The following TENM4 variants were observed in gnomAD, a reference collection of about 807,000 sequenced individuals.
TENM4 encodes the protein teneurin-4.
Under a neutral mutation model 243.3 loss-of-function variants are expected in TENM4, and 82 were observed. The observed-to-expected ratio is 0.34, with a 90% CI of 0.28 to 0.40. The LOEUF is 0.40. TENM4 is among the 10% of genes least tolerant of loss of function. The pLI, the probability that TENM4 is intolerant of heterozygous loss-of-function variation, is 1.00. For missense variants in TENM4, 3,138 were observed against 3,673.3 expected (o/e 0.85, Z 3.77); for synonymous variants, 1,412 against 1,456.3 (o/e 0.97, Z 0.69).
chr11:78,756,497 T>G (rs1432329838), intron 19 of TENM4: 1 of 363,418 alleles, frequency 2.8e-6, no homozygotes. Context: ...ACAGGATCAG[T>G]AAGAGCTGAC....
chr11:79,298,982 C>T (rs1437164535), intron 1 of TENM4, among the ~76,000 whole-genome samples: 3 of 152,038 alleles, frequency 2.0e-5, no homozygotes, highest in East Asian at 3.9e-4. Flanking sequence ...TCTGTAACAA[C>T]GTTGCTAACA....
chr11:79,122,794 C>T (rs997274612), intron 4 of TENM4, among the ~76,000 whole-genome samples: 2 of 152,202 alleles, frequency 1.3e-5, no homozygotes, highest in Non-Finnish European at 2.9e-5. Flanking sequence ...CCACCACACC[C>T]TGTGAAAAGC....
chr11:79,337,591 C>T (rs758753012), intron 1 of TENM4, among the ~76,000 whole-genome samples: 3 of 152,122 alleles, frequency 2.0e-5, no homozygotes, highest in African/African-American at 4.8e-5. Flanking sequence ...GTAGGCAGGA[C>T]GGACCTTCGC....
Position 78,658,372 on chromosome 11 carries a change from T to G in TENM4, c.7996A>C (p.Ile2666Leu), listed in dbSNP as rs879153818. ...LNGRTRRYTD[I>L]QLQYGALCLN... ...CACAGTGCCCCGTACTGGAGCTGGATGTCTGTGTAGCGTCTAGTCCTGCCA... is the reference window on the plus strand; with the variant it reads ...CACAGTGCCCCGTACTGGAGCTGGAGGTCTGTGTAGCGTCTAGTCCTGCCA... Residue 2666 changes from isoleucine (I) to leucine (L), a missense_variant, in exon 34 of 34, where the codon ATC becomes CTC. Ile to Leu is a conservative substitution (Grantham distance 5). Coordinates refer to ENST00000278550, the MANE Select transcript of TENM4 (RefSeq NM_001098816.3). The G allele has an allele frequency of 6.2e-7, 1 of 1,613,922 alleles. No individual in the cohort carries two copies. The highest frequency in any genetic ancestry group is 1.3e-5 in the African/African-American group (1 of 74,934).
chr11:79,249,519 T>A (rs1855573860), intron 2 of TENM4, among the ~76,000 whole-genome samples: 1 of 152,188 alleles, frequency 6.6e-6, no homozygotes, highest in African/African-American at 2.4e-5. Flanking sequence ...TATTTCAAAT[T>A]CATTTACCCA....
chr11:78,733,891 A>G (rs1855728290), intron 20 of TENM4, among the ~76,000 whole-genome samples: 1 of 152,196 alleles, frequency 6.6e-6, no homozygotes. Flanking sequence ...CTATCATGCA[A>G]TAAGACATAA....
chr11:79,399,518 A>G (rs1858413302), intron 1 of TENM4, among the ~76,000 whole-genome samples: 1 of 152,212 alleles, frequency 6.6e-6, no homozygotes, highest in South Asian at 2.1e-4. Context: ...CCCTAAAATT[A>G]GAGAGGAACT....
At chr11:79,173,198 C>T (rs1474336265) in intron 3 of TENM4, among the ~76,000 whole-genome samples, 1 of 152,164 alleles carries the variant, frequency 6.6e-6, no homozygotes, top group East Asian at 1.9e-4. Context: ...AGTCAAGGCA[C>T]ATTTTTAGCT....
intron 1 of TENM4, among the ~76,000 whole-genome samples, chr11:79,332,855 G>C (rs1167503543): frequency 1.3e-5 from 2 of 152,088 alleles, no homozygotes; most frequent in Non-Finnish European, 2.9e-5. Flanking sequence ...TCCTATGAGA[G>C]CAATGTGAAT....
At chr11:79,420,086 T>C (rs921281234) in intron 1 of TENM4, among the ~76,000 whole-genome samples, 1 of 152,252 alleles carries the variant, frequency 6.6e-6, no homozygotes, top group Admixed American at 6.5e-5. Flanking sequence ...GTTCCATATA[T>C]GTATTTTAAA....
intron 3 of TENM4, among the ~76,000 whole-genome samples, chr11:79,212,753 C>A (rs1381801833): frequency 6.6e-6 from 1 of 152,172 alleles, no homozygotes; most frequent in Non-Finnish European, 1.5e-5. Flanking sequence ...CCCTCCTCCA[C>A]AGTGTTTGCA....
chr11:79,374,609 A>G (rs1446532517), intron 1 of TENM4, among the ~76,000 whole-genome samples: 1 of 152,026 alleles, frequency 6.6e-6, no homozygotes, highest in African/African-American at 2.4e-5. Context: ...GAAGAGTTCA[A>G]AAATGATATC....
chr11:79,423,526 T>C lies in TENM4; in HGVS notation c.-321+16983A>G, dbSNP rs945120291. ...CTCGTTCAAGCCAGCTCTGAATGCT[T>C]ACAAGTGCATTTTTTTTTTTTTTTT... On this transcript the variant is annotated intron_variant, in intron 1 of 33. Transcript: ENST00000278550. Among the ~76,000 whole-genome samples the C allele has an allele frequency of 2.7e-5, 4 of 146,058 alleles. No individual in the cohort carries two copies. The East Asian group carries it at 7.9e-4, about 29-fold the overall frequency.
At chr11:79,331,706 G>T (rs568618197) in intron 1 of TENM4, among the ~76,000 whole-genome samples, 1 of 152,308 alleles carries the variant, frequency 6.6e-6, no homozygotes, top group East Asian at 1.9e-4. Context: ...CCCTGGGAAG[G>T]CTATAAATTG....
intron 1 of TENM4, among the ~76,000 whole-genome samples, chr11:79,310,105 T>C (rs1856694338): frequency 6.6e-6 from 1 of 152,154 alleles, no homozygotes; most frequent in Admixed American, 6.5e-5. Context: ...GGTCCTGCCT[T>C]AGCCAGCTCA....
chr11:79,180,535 C>T (rs1863260394), intron 3 of TENM4, among the ~76,000 whole-genome samples: 1 of 151,758 alleles, frequency 6.6e-6, no homozygotes, highest in African/African-American at 2.4e-5. Flanking sequence ...ACAGTGAGAA[C>T]AATACCGCGC....
chr11:78,962,566 G>C (rs1423694255), intron 6 of TENM4, among the ~76,000 whole-genome samples: 1 of 152,156 alleles, frequency 6.6e-6, no homozygotes, highest in African/African-American at 2.4e-5. Context: ...TGGGGCCTCA[G>C]TGCAGGCTGG....
intron 4 of TENM4, among the ~76,000 whole-genome samples, chr11:79,107,184 A>G (rs1159405250): frequency 1.3e-5 from 2 of 152,234 alleles, no homozygotes; most frequent in African/African-American, 2.4e-5. Flanking sequence ...CAGCATGGCT[A>G]CAGGGTCCAT....
intron 6 of TENM4, among the ~76,000 whole-genome samples, chr11:78,963,991 C>T (rs1367628973): frequency 6.6e-6 from 1 of 150,654 alleles, no homozygotes; most frequent in Non-Finnish European, 1.5e-5. Context: ...CCCACCTCAG[C>T]CTCCCAAAGT....
Sources: gnomAD v4.1 joint callset for allele counts (sites outside exome capture counted in the v4.1 genomes callset) on GRCh38, gnomAD v4.1.1 for gene constraint, MANE v1.5 for transcripts, NCBI Gene and HGNC (gene_info 2026-07-23, HGNC 2026-07-21) for gene names.